The following PKNOX2 variants were observed in gnomAD, a reference collection of about 807,000 sequenced individuals.
PKNOX2 encodes homeobox protein PKNOX2.
A neutral mutation model predicts 53.1 loss-of-function variants in PKNOX2; 14 were observed. The observed-to-expected ratio is 0.26, with a 90% CI of 0.17 to 0.41. The LOEUF is 0.41. Among genes scored for constraint, PKNOX2 ranks in the 10% least tolerant of loss-of-function variants. PKNOX2 has a pLI of 1.00. For synonymous variants in PKNOX2, 257 were observed against 242.8 expected, an observed-to-expected ratio of 1.06 and a Z score of -0.54; for missense variants, 496 against 602.8, an observed-to-expected ratio of 0.82 and a Z score of 1.85.
At chr11:125,267,968 G>C (rs1945488871) in intron 2 of PKNOX2, among the ~76,000 whole-genome samples, 1 of 152,128 alleles carries the variant, frequency 6.6e-6, no homozygotes, top group African/African-American at 2.4e-5. Flanking sequence ...AGAAGAAGGG[G>C]GAAAATGCCA....
At chr11:125,313,117 A>G (rs77853758) in intron 2 of PKNOX2, among the ~76,000 whole-genome samples, 3,437 of 152,134 alleles carry the variant, frequency 0.023, 139 homozygotes, top group African/African-American at 0.077. Flanking sequence ...AAGAAGAACT[A>G]TCTGTGTGTC....
At chr11:125,410,484 C>A in intron 8 of PKNOX2, 159 bp downstream of exon 8, 1 of 1,038,342 alleles carries the variant, frequency 9.6e-7, no homozygotes. Flanking sequence ...AGACGGTTAG[C>A]GCCAAGACCC....
intron 2 of PKNOX2, among the ~76,000 whole-genome samples, chr11:125,299,106 G>A (rs976828464): frequency 6.6e-6 from 1 of 152,150 alleles, no homozygotes; most frequent in African/African-American, 2.4e-5. Flanking sequence ...GAGCAGGCAT[G>A]TCACCTGGCA....
At chr11:125,369,595 G>T (rs2136284387) in intron 5 of PKNOX2, among the ~76,000 whole-genome samples, 1 of 152,334 alleles carries the variant, frequency 6.6e-6, no homozygotes, top group Non-Finnish European at 1.5e-5. Context: ...CAGAGCAACA[G>T]GGAAGGCTTC....
At chr11:125,292,344 C>T (rs901114730) in intron 2 of PKNOX2, among the ~76,000 whole-genome samples, 1 of 152,148 alleles carries the variant, frequency 6.6e-6, no homozygotes, top group Non-Finnish European at 1.5e-5. Flanking sequence ...ATCAGAAAGT[C>T]GGGGACAAAG....
intron 7 of PKNOX2, among the ~76,000 whole-genome samples, chr11:125,404,343 T>TCCTTAAGAG (rs201411558): frequency 0.036 from 5,481 of 152,294 alleles, 161 homozygotes; most frequent in Admixed American, 0.052. Context: ...GAAGGAATGT[T>TCCTTAAGAG]CCTTAAGAGC....
intron 3 of PKNOX2, among the ~76,000 whole-genome samples, chr11:125,341,829 C>T (rs1002329260): frequency 5.3e-5 from 8 of 152,266 alleles, no homozygotes; most frequent in Non-Finnish European, 1.2e-4. Flanking sequence ...TGTGTGGCCG[C>T]GCCACGTCCT....
intron 4 of PKNOX2, among the ~76,000 whole-genome samples, chr11:125,366,646 C>A (rs370486120): frequency 1.3e-5 from 2 of 152,082 alleles, no homozygotes; most frequent in African/African-American, 4.8e-5. Context: ...AGCATCTGAG[C>A]GGAGATCTAA....
chr11:125,202,722 G>C (rs564955741), intron 1 of PKNOX2, among the ~76,000 whole-genome samples: 112 of 151,912 alleles, frequency 7.4e-4, no homozygotes, highest in Admixed American at 1.6e-3. Flanking sequence ...CTGTGGGTTG[G>C]GGGGGAGGGG....
intron 5 of PKNOX2, among the ~76,000 whole-genome samples, chr11:125,382,977 C>A (rs1379869481): frequency 6.6e-6 from 1 of 152,134 alleles, no homozygotes; most frequent in Non-Finnish European, 1.5e-5. Flanking sequence ...AGCCCTGGGG[C>A]CCAGCAGTTT....
Position 125,385,569 on chromosome 11 carries a change from C to G in PKNOX2, c.246C>G (p.Leu82=). The change falls in exon 6 of 13, where the codon CTC becomes CTG. Residue 82 remains leucine (L), a synonymous_variant. Transcript: ENST00000298282. The part of the protein sequence containing the change: ...RAVYRHPLFP[L]LTLLFEKCEQ... ...CCTGCAGGCACCCTCTTTTCCCGCTCCTGACGCTGCTGTTTGAGAAATGTG... is the reference window on the plus strand; with the variant it reads ...CCTGCAGGCACCCTCTTTTCCCGCTGCTGACGCTGCTGTTTGAGAAATGTG... The G allele has an allele frequency of 6.2e-7, 1 of 1,610,730 alleles. No homozygotes were observed. The highest frequency in any genetic ancestry group is 1.7e-5 in the Admixed American group (1 of 59,338).
At chr11:125,206,833 GGTT>G (rs1939172552) in intron 1 of PKNOX2, among the ~76,000 whole-genome samples, 1 of 152,008 alleles carries the variant, frequency 6.6e-6, no homozygotes, top group South Asian at 2.1e-4. Flanking sequence ...GACTTAGACA[GGTT>G]GTGTTTTAGA....
At chr11:125,381,916 T>C (rs77182835) in intron 5 of PKNOX2, among the ~76,000 whole-genome samples, 3,339 of 152,204 alleles carry the variant, frequency 0.022, 67 homozygotes, top group East Asian at 0.066. Context: ...GCAGAGAGGC[T>C]CTCCCTGACC....
intron 2 of PKNOX2, among the ~76,000 whole-genome samples, chr11:125,294,885 G>C (rs1204029250): frequency 6.6e-6 from 1 of 152,144 alleles, no homozygotes; most frequent in African/African-American, 2.4e-5. Flanking sequence ...GGGGCTCTCT[G>C]AGAGTGAAGG....
At chr11:125,364,458 A>T (rs1379480709) in intron 4 of PKNOX2, among the ~76,000 whole-genome samples, 1 of 152,032 alleles carries the variant, frequency 6.6e-6, no homozygotes, top group Non-Finnish European at 1.5e-5. Flanking sequence ...CCTTCCCCCC[A>T]CACCTTTCCC....
intron 2 of PKNOX2, among the ~76,000 whole-genome samples, chr11:125,298,188 TG>T (rs1947787322): frequency 6.6e-6 from 1 of 152,094 alleles, no homozygotes; most frequent in African/African-American, 2.4e-5. Flanking sequence ...CAGAGGCTGT[TG>T]GTTACCCCTG....
chr11:125,429,212 T>G, intron 11 of PKNOX2, 124 bp downstream of exon 11: 1 of 914,708 alleles, frequency 1.1e-6, no homozygotes, highest in African/African-American at 1.7e-5. Context: ...CCAGCTACCA[T>G]GCCAGTCCCC....
chr11:125,390,132 G>C (rs556970156), intron 6 of PKNOX2, among the ~76,000 whole-genome samples: 19 of 152,320 alleles, frequency 1.2e-4, no homozygotes, highest in African/African-American at 4.3e-4. Context: ...AATCCTCAAC[G>C]CTAGTAATAA....
intron 1 of PKNOX2, among the ~76,000 whole-genome samples, chr11:125,189,513 A>G (rs1209898269): frequency 3.0e-5 from 4 of 131,672 alleles, no homozygotes; most frequent in Non-Finnish European, 6.4e-5. Context: ...AGAGAGGGGT[A>G]GCCCTGCCCC....
Sources: allele counts gnomAD v4.1 joint callset (sites outside exome capture counted in the v4.1 genomes callset), GRCh38; gene constraint gnomAD v4.1.1; transcripts MANE v1.5; gene names NCBI Gene and HGNC (gene_info 2026-07-23, HGNC 2026-07-21).